Variants in LEMD1 observed in about 807,000 individuals in gnomAD.
The protein encoded by LEMD1 is LEM domain-containing protein 1.
In LEMD1, 18 loss-of-function variants were observed where a neutral mutation model predicts 17.4. That is an observed-to-expected ratio of 1.04 (90% CI 0.72 to 1.54). LEMD1 has a LOEUF of 1.54. LEMD1 is among the 40% of genes most tolerant of loss of function. The probability of loss-of-function intolerance (pLI) is 0.00; values close to 1 mark genes in which losing one functional copy is unlikely to be tolerated. For synonymous variants in LEMD1, 88 were observed against 77.8 expected (o/e 1.13, Z -0.69); for missense variants, 195 against 210.4 (o/e 0.93, Z 0.45).
intron 4 of LEMD1, among the ~76,000 whole-genome samples, chr1:205,403,099 G>T (rs12088930): frequency 0.31 from 46,133 of 151,094 alleles, 7,406 homozygotes; most frequent in African/African-American, 0.38. Context: ...TGGATTCGGT[G>T]TGCCAATATT....
intron 4 of LEMD1, among the ~76,000 whole-genome samples, chr1:205,400,202 C>T (rs550012635): frequency 1.1e-4 from 17 of 152,306 alleles, no homozygotes; most frequent in East Asian, 1.9e-4. Context: ...GCTGGGACTA[C>T]GGGCACGTGC....
At chr1:205,447,176 C>G (rs1666406438) in intron 1 of LEMD1, among the ~76,000 whole-genome samples, 1 of 152,216 alleles carries the variant, frequency 6.6e-6, no homozygotes, top group African/African-American at 2.4e-5. Context: ...GGGTTCACGT[C>G]CCAGTTGTGC....
intron 4 of LEMD1, among the ~76,000 whole-genome samples, chr1:205,393,843 C>T (rs1250726529): frequency 6.8e-6 from 1 of 146,688 alleles, no homozygotes; most frequent in Non-Finnish European, 1.5e-5. Context: ...AATTCCACTC[C>T]TAGGTACCTA....
At chr1:205,400,814 G>A (rs1347690795) in intron 4 of LEMD1, among the ~76,000 whole-genome samples, 1 of 145,200 alleles carries the variant, frequency 6.9e-6, no homozygotes, top group Admixed American at 7.0e-5. Context: ...TTGTCATTTA[G>A]CATTAGGTAT....
chr1:205,412,275 G>A lies in LEMD1; in HGVS notation c.270+3957C>T, dbSNP rs554224245. Among the ~76,000 whole-genome samples, 7 of 151,996 alleles carry A rather than the reference G, an allele frequency of 4.6e-5. No homozygotes were observed. In the East Asian group the frequency reaches 9.7e-4, roughly 21 times the overall value. On this transcript the variant is annotated intron_variant, in intron 4 of 5. Coordinates refer to ENST00000367153, the MANE Select transcript of LEMD1 (RefSeq NM_001199050.2). ...ACATACTGACTTAATGTCCCACTCC[G>A]TTATTGGTAACATAAGCTGTGCCTA... is the stretch of plus-strand genomic sequence containing the variant.
intron 1 of LEMD1, chr1:205,435,737 A>G (rs1291629086): frequency 1.3e-5 from 2 of 152,174 alleles, no homozygotes; most frequent in African/African-American, 4.8e-5. Context: ...ATCCATCCTG[A>G]TTGGCAGCTC....
intron 4 of LEMD1, among the ~76,000 whole-genome samples, chr1:205,415,885 C>A (rs746164352): frequency 6.6e-6 from 1 of 152,156 alleles, no homozygotes; most frequent in Non-Finnish European, 1.5e-5. Flanking sequence ...TGGAAACTCA[C>A]ATTTATTCTA....
At chr1:205,390,325 A>G (rs1328892073) in intron 4 of LEMD1, among the ~76,000 whole-genome samples, 1 of 151,888 alleles carries the variant, frequency 6.6e-6, no homozygotes, top group Non-Finnish European at 1.5e-5. Context: ...ACTGCACTCC[A>G]GCCTGGGCGA....
At chr1:205,424,253 C>T (rs997683714), upstream of LEMD1, among the ~76,000 whole-genome samples, 5 of 152,180 alleles carry the variant, frequency 3.3e-5, no homozygotes, top group Non-Finnish European at 7.3e-5. Flanking sequence ...AAGCCACCTG[C>T]CTCTGAGTCT....
Position 205,419,352 on chromosome 1 carries a change from G to A in LEMD1, c.83C>T (p.Pro28Leu). ...KLGFSPGPIL[P>L]STRKLYEKKL... The stretch of plus-strand genomic sequence containing the variant: ...TTTTTCATACAACTTTCTGGTGGAA[G>A]CTGAGGAAGAATTTGGAGAACAAAT... Residue 28 changes from proline to leucine, a missense_variant and splice_region_variant, in exon 3 of 6, where the codon CCT (proline) becomes CTT (leucine). Coordinates refer to ENST00000367153, the MANE Select transcript of LEMD1 (RefSeq NM_001199050.2). The A allele has an allele frequency of 6.2e-7, 1 of 1,614,176 alleles. No individual in the cohort carries two copies. Among genetic ancestry groups the A allele is most frequent in the Non-Finnish European group, 8.5e-7 (1 of 1,180,004 alleles).
chr1:205,422,442 A>G (rs1020977522), upstream of LEMD1, among the ~76,000 whole-genome samples: 3 of 152,240 alleles, frequency 2.0e-5, no homozygotes, highest in Non-Finnish European at 4.4e-5. Context: ...AGAAACCTGT[A>G]TTAATTTGTT....
At chr1:205,392,301 G>C (rs1305437587) in intron 4 of LEMD1, among the ~76,000 whole-genome samples, 1 of 152,116 alleles carries the variant, frequency 6.6e-6, no homozygotes, top group East Asian at 1.9e-4. Flanking sequence ...CAGAGAAGTA[G>C]AATATATAAA....
intron 4 of LEMD1, among the ~76,000 whole-genome samples, chr1:205,404,201 A>G (rs1574968718): frequency 6.6e-6 from 1 of 152,100 alleles, no homozygotes; most frequent in East Asian, 1.9e-4. Flanking sequence ...GGAGAGTTCT[A>G]TAGATGTCTA....
chr1:205,381,871 G>T lies in LEMD1; in HGVS notation c.348-15C>A. ...TTGCAGCCCACCTGTGAAAACATCAGTGGCTCTTAGGATTGTGGACAGCTG... is the reference window on the plus strand; with the variant it reads ...TTGCAGCCCACCTGTGAAAACATCATTGGCTCTTAGGATTGTGGACAGCTG... On this transcript the variant is annotated splice_polypyrimidine_tract_variant and intron_variant, in intron 5 of 5. Transcript: ENST00000367153. 6.2e-7 allele frequency: 1 copy of T among 1,613,834 alleles called. No homozygotes were observed. Among genetic ancestry groups the T allele is most frequent in the Non-Finnish European group, 8.5e-7 (1 of 1,179,840 alleles).
chr1:205,397,335 A>G (rs781495218), intron 4 of LEMD1, among the ~76,000 whole-genome samples: 9 of 152,212 alleles, frequency 5.9e-5, no homozygotes, highest in Middle Eastern at 3.4e-3. Context: ...CTAATCCTCT[A>G]TGTGGTCTTG....
intron 1 of LEMD1, among the ~76,000 whole-genome samples, chr1:205,439,986 C>T (rs576754475): frequency 9.9e-5 from 15 of 152,114 alleles, no homozygotes; most frequent in African/African-American, 3.1e-4. Flanking sequence ...GGGAAAAAGT[C>T]GAGGAAGGTC....
intron 1 of LEMD1, among the ~76,000 whole-genome samples, chr1:205,438,160 A>G (rs1666237467): frequency 6.6e-6 from 1 of 152,322 alleles, no homozygotes. Flanking sequence ...GAAGCCCAAG[A>G]GGGAAAATGG....
chr1:205,428,129 G>GT (rs1387555033), intron 1 of LEMD1, among the ~76,000 whole-genome samples: 1 of 152,194 alleles, frequency 6.6e-6, no homozygotes, highest in Non-Finnish European at 1.5e-5. Context: ...TTTTATGGTG[G>GT]TTTTTTGTTT....
chr1:205,398,471 G>T (rs750705156), intron 4 of LEMD1, among the ~76,000 whole-genome samples: 7 of 152,186 alleles, frequency 4.6e-5, no homozygotes, highest in Non-Finnish European at 8.8e-5. Context: ...GAGGCACAGA[G>T]AGTTAAAATC....
Sources: gnomAD v4.1 joint callset for allele counts (sites outside exome capture counted in the v4.1 genomes callset) on GRCh38, gnomAD v4.1.1 for gene constraint, MANE v1.5 for transcripts, NCBI Gene and HGNC (gene_info 2026-07-23, HGNC 2026-07-21) for gene names.